Variants in SLCO5A1 observed in about 807,000 individuals in gnomAD.
SLCO5A1 encodes the protein solute carrier organic anion transporter family member 5A1, also known as organic anion transporter polypeptide-related protein 4.
In SLCO5A1, 39 loss-of-function variants were observed where a neutral mutation model predicts 65.1. The observed-to-expected ratio is 0.60, with a 90% CI of 0.46 to 0.78. SLCO5A1 has a LOEUF of 0.78. SLCO5A1 is among the 30% of genes least tolerant of loss of function. SLCO5A1 has a pLI of 0.00. For synonymous variants in SLCO5A1, 438 were observed against 415.7 expected (o/e 1.05, Z -0.65); for missense variants, 1,029 against 1,069.4 (o/e 0.96, Z 0.53).
At chr8:69,831,084 C>A (rs1399521725) in intron 2 of SLCO5A1, among the ~76,000 whole-genome samples, 5 of 152,062 alleles carry the variant, frequency 3.3e-5, no homozygotes, top group African/African-American at 1.2e-4. Context: ...ACCAGCCTGA[C>A]AAACATGGTG....
At chr8:69,757,676 T>C (rs912745805) in intron 3 of SLCO5A1, among the ~76,000 whole-genome samples, 1 of 151,824 alleles carries the variant, frequency 6.6e-6, no homozygotes, top group African/African-American at 2.4e-5. Context: ...TGAAACTCTG[T>C]CTCAAAAAAA....
intron 2 of SLCO5A1, among the ~76,000 whole-genome samples, chr8:69,830,225 T>A (rs1180255304): frequency 6.6e-6 from 1 of 152,354 alleles, no homozygotes; most frequent in South Asian, 2.1e-4. Flanking sequence ...GTAAACATAC[T>A]GAGGACAAAG....
intron 4 of SLCO5A1, among the ~76,000 whole-genome samples, chr8:69,748,984 AGC>A (rs1458388841): frequency 1.3e-5 from 2 of 152,208 alleles, no homozygotes; most frequent in East Asian, 3.9e-4. Flanking sequence ...GAATTCAAGC[AGC>A]AGCTTTCAAT....
At chr8:69,680,941 G>T (rs1813741164) in intron 7 of SLCO5A1, among the ~76,000 whole-genome samples, 1 of 152,106 alleles carries the variant, frequency 6.6e-6, no homozygotes. Context: ...GCAGTCATAA[G>T]AAAAAGTATG....
intron 4 of SLCO5A1, among the ~76,000 whole-genome samples, chr8:69,752,244 A>G (rs1171696603): frequency 6.6e-6 from 1 of 152,184 alleles, no homozygotes; most frequent in Non-Finnish European, 1.5e-5. Flanking sequence ...AAACTAAAAT[A>G]GAATAAAAAT....
chr8:69,783,437 A>T (rs1013735885), intron 2 of SLCO5A1, among the ~76,000 whole-genome samples: 2 of 152,162 alleles, frequency 1.3e-5, no homozygotes, highest in South Asian at 4.1e-4. Flanking sequence ...CCACAAATAT[A>T]TACACCTACT....
chr8:69,825,259 T>G (rs1473847777), intron 2 of SLCO5A1, among the ~76,000 whole-genome samples: 1 of 152,162 alleles, frequency 6.6e-6, no homozygotes, highest in Non-Finnish European at 1.5e-5. Context: ...TTCAACATAG[T>G]GTTGGGAAGT....
rs188171744 is a variant in SLCO5A1, at chr8:69,688,941, T to A, written c.1623-6598A>T. Among the ~76,000 whole-genome samples, 58 of 152,068 alleles carry A rather than the reference T, an allele frequency of 3.8e-4. 1 individual carries two copies. In the South Asian group the frequency reaches 0.01, roughly 27 times the overall value. On this transcript the variant is annotated intron_variant, in intron 6 of 9. Transcript: ENST00000260126. ...GACTTCCACCATGGTTGAACTAGTT[T>A]ACAGTCCCACCAACAGTGTAAAAGT...
chr8:69,701,934 G>A (rs1202096825), intron 6 of SLCO5A1, among the ~76,000 whole-genome samples: 1 of 152,192 alleles, frequency 6.6e-6, no homozygotes, highest in African/African-American at 2.4e-5. Context: ...ACCACAATTT[G>A]TAAAGGTAAA....
At chr8:69,775,669 C>T (rs768927560) in intron 2 of SLCO5A1, among the ~76,000 whole-genome samples, 3 of 152,026 alleles carry the variant, frequency 2.0e-5, no homozygotes, top group Non-Finnish European at 4.4e-5. Flanking sequence ...TGGGACTTAT[C>T]AAAACATAAA....
chr8:69,756,197 G>C (rs1363108989), intron 3 of SLCO5A1, among the ~76,000 whole-genome samples: 1 of 152,300 alleles, frequency 6.6e-6, no homozygotes, highest in East Asian at 1.9e-4. Flanking sequence ...GCTGAAACAG[G>C]AGTTTGAGAC....
chr8:69,742,797 T>C (rs1816845059), intron 4 of SLCO5A1, among the ~76,000 whole-genome samples: 1 of 126,852 alleles, frequency 7.9e-6, no homozygotes, highest in South Asian at 2.7e-4. Context: ...GTGGATTCTT[T>C]TTTTTTTTTT....
rs73285570 is a variant in SLCO5A1, at chr8:69,741,654, G to T, written c.1259-3450C>A. The stretch of plus-strand genomic sequence containing the variant: ...GTGATAAAAGCCTATTAGTGATAGG[G>T]CAAATTAACACTATATGTCTCTGCT... On this transcript the variant is annotated intron_variant, in intron 4 of 9. Coordinates refer to ENST00000260126, the MANE Select transcript of SLCO5A1 (RefSeq NM_030958.3). 3.7e-3 allele frequency among the ~76,000 whole-genome samples: 569 copies of T among 152,276 alleles called. 5 individuals are homozygous for T. Among genetic ancestry groups the T allele is most frequent in the African/African-American group, 0.013 (524 of 41,558 alleles).
chr8:69,733,521 G>T (rs1337857101), intron 5 of SLCO5A1, among the ~76,000 whole-genome samples: 1 of 152,194 alleles, frequency 6.6e-6, no homozygotes, highest in Admixed American at 6.5e-5. Context: ...CTCCTTCAGG[G>T]TTGATACGGT....
At chr8:69,803,125 C>CA (rs1489851209) in intron 2 of SLCO5A1, among the ~76,000 whole-genome samples, 11 of 152,138 alleles carry the variant, frequency 7.2e-5, no homozygotes, top group Non-Finnish European at 5.9e-5. Context: ...ACTAAAAACA[C>CA]AAAAAATTGG....
intron 6 of SLCO5A1, among the ~76,000 whole-genome samples, chr8:69,692,446 A>G (rs1373757209): frequency 6.6e-6 from 1 of 152,194 alleles, no homozygotes; most frequent in Admixed American, 6.5e-5. Flanking sequence ...CGCTAAATCC[A>G]TTAAAAACCA....
intron 5 of SLCO5A1, among the ~76,000 whole-genome samples, chr8:69,723,340 A>G (rs1815916223): frequency 6.6e-6 from 1 of 151,712 alleles, no homozygotes; most frequent in Admixed American, 6.6e-5. Flanking sequence ...CAACCTCTGC[A>G]TTTTGGGTTC....
intron 2 of SLCO5A1, among the ~76,000 whole-genome samples, chr8:69,771,674 A>G (rs921805579): frequency 6.6e-6 from 1 of 152,170 alleles, no homozygotes; most frequent in African/African-American, 2.4e-5. Flanking sequence ...TCTTCTGGGC[A>G]TATCTTGCCC....
At chr8:69,736,633 G>A (rs1220257422) in intron 5 of SLCO5A1, among the ~76,000 whole-genome samples, 1 of 152,184 alleles carries the variant, frequency 6.6e-6, no homozygotes, top group Non-Finnish European at 1.5e-5. Flanking sequence ...GCTGTAGTCT[G>A]AGTCGTCTTC....
Sources: gnomAD v4.1 joint callset for allele counts (sites outside exome capture counted in the v4.1 genomes callset) on GRCh38, gnomAD v4.1.1 for gene constraint, MANE v1.5 for transcripts, NCBI Gene and HGNC (gene_info 2026-07-23, HGNC 2026-07-21) for gene names.